Variants in GRIA1 observed in about 807,000 individuals in gnomAD.
The protein encoded by GRIA1 is glutamate receptor 1.
GRIA1 carries 31 observed loss-of-function variants against 99.2 expected under a neutral mutation model. The observed-to-expected ratio is 0.31, with a 90% CI of 0.23 to 0.42. GRIA1 has a LOEUF of 0.42. GRIA1 is among the 10% of genes least tolerant of loss of function. The probability of loss-of-function intolerance (pLI) is 1.00; values close to 1 mark genes in which losing one functional copy is unlikely to be tolerated. For missense variants in GRIA1, 782 were observed against 1,157.5 expected (o/e 0.68, Z 4.71); for synonymous variants, 438 against 432.4 (o/e 1.01, Z -0.16).
chr5:153,673,784 C>G (rs1390119377), intron 5 of GRIA1, among the ~76,000 whole-genome samples: 1 of 152,186 alleles, frequency 6.6e-6, no homozygotes, highest in Non-Finnish European at 1.5e-5. Flanking sequence ...CTTTTACAGT[C>G]GAAGCCTTCT....
At chr5:153,714,914 G>T (rs1759561820) in intron 11 of GRIA1, among the ~76,000 whole-genome samples, 1 of 152,256 alleles carries the variant, frequency 6.6e-6, no homozygotes, top group Admixed American at 6.5e-5. Flanking sequence ...AAACCTAGCT[G>T]ATGACAGTCA....
rs1035226360 is a variant in GRIA1 at position 153,769,341 on chromosome 5, C to T, written c.2023-827C>T. Among the ~76,000 whole-genome samples the T allele has an allele frequency of 4.6e-5, 7 of 152,188 alleles. No homozygotes were observed. In the East Asian group the frequency reaches 7.7e-4, roughly 17 times the overall value. ...GCTAGGGAATATGCATTTTTACAAT[C>T]GATGTACATGATAATGGTGCCTACT... On this transcript the variant is annotated intron_variant, in intron 12 of 15. Transcript: ENST00000285900.
chr5:153,794,855 T>C (rs2149660923), intron 14 of GRIA1, 120 bp downstream of exon 14: 3 of 645,944 alleles, frequency 4.6e-6, no homozygotes, highest in Non-Finnish European at 5.5e-6. Context: ...GATAAATTAA[T>C]GTCAAAGGGA....
intron 2 of GRIA1, among the ~76,000 whole-genome samples, chr5:153,538,441 G>C (rs1490024292): frequency 6.6e-6 from 1 of 151,972 alleles, no homozygotes; most frequent in South Asian, 2.1e-4. Flanking sequence ...AAGGTGGAGG[G>C]GTGTTTTTTT....
chr5:153,733,865 A>C (rs778129709), intron 11 of GRIA1, among the ~76,000 whole-genome samples: 1 of 152,186 alleles, frequency 6.6e-6, no homozygotes, highest in Non-Finnish European at 1.5e-5. Flanking sequence ...TATACAAAGC[A>C]AATATTAATA....
intron 12 of GRIA1, 40 bp downstream of exon 12, chr5:153,764,672 G>T: frequency 1.4e-6 from 2 of 1,388,112 alleles, no homozygotes; most frequent in South Asian, 1.2e-5. Flanking sequence ...TCACAAAAGG[G>T]AACCACAACT....
chr5:153,547,005 A>T (rs2113521292), intron 2 of GRIA1, among the ~76,000 whole-genome samples: 1 of 152,372 alleles, frequency 6.6e-6, no homozygotes, highest in African/African-American at 2.4e-5. Context: ...ATGCATCAGT[A>T]TGTGAACATT....
intron 14 of GRIA1, among the ~76,000 whole-genome samples, chr5:153,802,075 C>T (rs1394531294): frequency 6.6e-6 from 1 of 152,100 alleles, no homozygotes; most frequent in Admixed American, 6.5e-5. Flanking sequence ...TGATATCTCT[C>T]ACCCTAGAAA....
At position 153,585,299 on chromosome 5, in the gene GRIA1, CTTTTTTTTTTTTTTT is replaced by C. The variant is rs10586598; in HGVS notation, c.221-61616_221-61602del. On this transcript the variant is annotated intron_variant, in intron 2 of 15. Transcript: ENST00000285900. ...TTATTTTTCTTTTCTTTCTCTCTCT[CTTTTTTTTTTTTTTT>C]TTTTTTTTTTTTGAGACAGACTCTT... 3.1e-3 allele frequency among the ~76,000 whole-genome samples: 216 copies of C among 70,150 alleles called. 1 individual carries two copies. The highest frequency in any genetic ancestry group is 7.4e-3 in the South Asian group (9 of 1,212). 46.0% of individuals were successfully genotyped at this position (70,150 alleles called of 152,430 possible). A position where few individuals can be genotyped will look rare whatever the true frequency, so the allele number is the denominator to read the frequency against.
chr5:153,704,145 C>T (rs1228485720), intron 10 of GRIA1, among the ~76,000 whole-genome samples: 1 of 152,322 alleles, frequency 6.6e-6, no homozygotes, highest in Middle Eastern at 3.4e-3. Context: ...CTTAAAGCAC[C>T]TTCTCAATAA....
intron 11 of GRIA1, among the ~76,000 whole-genome samples, chr5:153,747,252 T>G (rs1281442693): frequency 2.0e-5 from 3 of 152,016 alleles, no homozygotes; most frequent in Non-Finnish European, 4.4e-5. Flanking sequence ...TGTCACATGG[T>G]AAGAGAGGGG....
chr5:153,724,425 G>A (rs1760340374), intron 11 of GRIA1, among the ~76,000 whole-genome samples: 1 of 152,192 alleles, frequency 6.6e-6, no homozygotes, highest in Admixed American at 6.5e-5. Flanking sequence ...GAGAGAGGAA[G>A]GCTTCAGACG....
rs1335243896 is a variant in GRIA1 at position 153,490,677 on chromosome 5, CT to C, written c.-211del. The C allele has an allele frequency of 1.6e-6, 1 of 619,724 alleles. No individual in the cohort carries two copies. Among genetic ancestry groups the C allele is most frequent in the Non-Finnish European group, 2.9e-6 (1 of 344,478 alleles). The allele number at this position is 619,724 out of a possible 1,614,324, so 38.4% of individuals were successfully genotyped here. On this transcript the variant is annotated 5_prime_UTR_variant, in exon 1 of 16. Transcript: ENST00000285900. ...GCTTCTTTTCCCGTGCTCAGTTAAT[CT>C]GGCTGTCAGTTGGTGTTAACGCTGC...
intron 13 of GRIA1, among the ~76,000 whole-genome samples, chr5:153,779,104 C>A (rs1764470497): frequency 6.6e-6 from 1 of 152,058 alleles, no homozygotes; most frequent in Non-Finnish European, 1.5e-5. Flanking sequence ...GTAGGGGAGC[C>A]TTACATTCGT....
At chr5:153,637,513 C>T (rs1419384733) in intron 2 of GRIA1, among the ~76,000 whole-genome samples, 1 of 152,202 alleles carries the variant, frequency 6.6e-6, no homozygotes, top group Admixed American at 6.5e-5. Context: ...CTCATAATAA[C>T]ACGTGGGTAC....
At chr5:153,653,352 TGA>T (rs1754710688) in intron 4 of GRIA1, among the ~76,000 whole-genome samples, 1 of 152,162 alleles carries the variant, frequency 6.6e-6, no homozygotes, top group South Asian at 2.1e-4. Context: ...TTTTGCAGGC[TGA>T]GTGATGGATG....
At chr5:153,766,625 A>G (rs1421403698) in intron 12 of GRIA1, among the ~76,000 whole-genome samples, 1 of 152,184 alleles carries the variant, frequency 6.6e-6, no homozygotes, top group Non-Finnish European at 1.5e-5. Flanking sequence ...TTCCAATCCA[A>G]GTATTCCTGT....
intron 2 of GRIA1, among the ~76,000 whole-genome samples, chr5:153,587,484 A>C (rs1215081108): frequency 6.6e-6 from 1 of 152,220 alleles, no homozygotes; most frequent in Non-Finnish European, 1.5e-5. Flanking sequence ...GTGAGTGGAC[A>C]GAGTACTATT....
chr5:153,705,693 T>TTTTTTC lies in GRIA1; in HGVS notation c.1453-4_1453-3insTTTTTC, dbSNP rs1554116390. ...TTTTTTTTTTTTTTTTTTTTTTTTT[T>TTTTTTC]CAGAGAGCAGATGTGGCTGTGGCTC... On this transcript the variant is annotated splice_polypyrimidine_tract_variant and splice_region_variant and intron_variant, in intron 10 of 15. Coordinates refer to ENST00000285900, the MANE Select transcript of GRIA1 (RefSeq NM_000827.4). 14 of 1,101,388 alleles carry TTTTTTC rather than the reference T, an allele frequency of 1.3e-5. No individual in the cohort carries two copies. The Admixed American group carries it at 1.8e-4, about 14-fold the overall frequency. The allele number at this position is 1,101,388 out of a possible 1,614,324, so 68.2% of individuals were successfully genotyped here. A position where few individuals can be genotyped will look rare whatever the true frequency, so the allele number is the denominator to read the frequency against.
Sources: allele counts gnomAD v4.1 joint callset (sites outside exome capture counted in the v4.1 genomes callset), GRCh38; gene constraint gnomAD v4.1.1; transcripts MANE v1.5; gene names NCBI Gene and HGNC (gene_info 2026-07-23, HGNC 2026-07-21).